The following RASA2 variants were observed in gnomAD, a reference collection of about 807,000 sequenced individuals.
RASA2 encodes RAS p21 protein activator 2, also known as ras GTPase-activating protein 2.
A neutral mutation model predicts 118.2 loss-of-function variants in RASA2; 155 were observed. That is an observed-to-expected ratio of 1.31 (90% CI 1.15 to 1.50). RASA2 has a LOEUF of 1.50. Ranked by LOEUF, RASA2 falls within the 40% of genes most tolerant of loss-of-function variation. RASA2 has a pLI of 0.00. For missense variants in RASA2, 1,016 were observed against 1,009.6 expected (o/e 1.01, Z -0.09); for synonymous variants, 353 against 349.1 (o/e 1.01, Z -0.12).
At chr3:141,585,166 A>C (rs1236058856) in intron 17 of RASA2, among the ~76,000 whole-genome samples, 1 of 152,220 alleles carries the variant, frequency 6.6e-6, no homozygotes, top group Non-Finnish European at 1.5e-5. Context: ...ATTGGGACCA[A>C]AAGTATTTCA....
intron 19 of RASA2, among the ~76,000 whole-genome samples, chr3:141,604,510 G>A (rs1267675519): frequency 6.6e-6 from 1 of 152,118 alleles, no homozygotes; most frequent in Admixed American, 6.6e-5. Context: ...TCTCCCTAAA[G>A]AAGTCATCTG....
At chr3:141,574,254 A>G (rs558003491) in intron 14 of RASA2, among the ~76,000 whole-genome samples, 187 bp downstream of exon 14, 33 of 151,956 alleles carry the variant, frequency 2.2e-4, no homozygotes, top group Admixed American at 5.2e-4. Context: ...CAGTGGCGCT[A>G]TCTTGGCTCA....
rs1300139734 is a variant in RASA2 at position 141,560,112 on chromosome 3, G to A, written c.863+117G>A. ...AAATTTGCCATGTAATAAGCTAAAC[G>A]TCATTAATATTGATATGTTCATTAA... is the stretch of plus-strand genomic sequence containing the variant. On this transcript the variant is annotated intron_variant, in intron 9 of 23. Transcript: ENST00000286364. 75 of 721,526 alleles carry A rather than the reference G, an allele frequency of 1.0e-4. 1 individual carries two copies. The South Asian group carries it at 1.2e-3, about 12-fold the overall frequency. 44.7% of individuals were successfully genotyped at this position (721,526 alleles called of 1,614,324 possible).
At chr3:141,591,545 C>T (rs757116252) in intron 19 of RASA2, among the ~76,000 whole-genome samples, 24 of 152,188 alleles carry the variant, frequency 1.6e-4, no homozygotes, top group Non-Finnish European at 3.1e-4. Flanking sequence ...CTTCAAAGAA[C>T]ACCATGTCTT....
intron 19 of RASA2, among the ~76,000 whole-genome samples, chr3:141,591,206 G>T (rs1029963727): frequency 4.6e-5 from 7 of 152,142 alleles, no homozygotes; most frequent in African/African-American, 1.4e-4. Context: ...ACTACTTTTT[G>T]CAGTGCCTTC....
chr3:141,541,674 G>A (rs899909403), intron 5 of RASA2, among the ~76,000 whole-genome samples: 2 of 151,750 alleles, frequency 1.3e-5, no homozygotes, highest in African/African-American at 2.4e-5. Context: ...CTATTAAGGC[G>A]TTTTTTTCCT....
In RASA2 at chr3:141,571,068, A is replaced by C; in HGVS notation, c.1020A>C (p.Gln340His). 6.3e-7 allele frequency: 1 copy of C among 1,595,886 alleles called. No individual in the cohort carries two copies. Among genetic ancestry groups the C allele is most frequent in the South Asian group, 1.2e-5 (1 of 86,828 alleles). ...KTLLLKSPDV[Q>H]PISASAAYIL... is the part of the protein sequence containing the mutation. ...TGCTGCTAAAATCACCAGATGTTCA[A>C]GTATGTTAAGAATCTTAAGGATATG... The change falls in exon 10 of 24, where the codon CAA becomes CAC. Residue 340 changes from glutamine to histidine, a missense_variant and splice_region_variant. By Grantham distance (24) the Gln-to-His change is conservative. This residue lies in a region of RASA2 where 896 missense variants were observed against 836.4 expected (regional missense o/e 1.07). Coordinates refer to ENST00000286364, the MANE Select transcript of RASA2 (RefSeq NM_006506.5).
chr3:141,489,376 G>GGGACT (rs968715521), intron 1 of RASA2, among the ~76,000 whole-genome samples: 2 of 152,188 alleles, frequency 1.3e-5, no homozygotes, highest in African/African-American at 4.8e-5. Flanking sequence ...CTAACATGTG[G>GGGACT]GTTTTGTAGG....
At chr3:141,585,360 A>G (rs758740637) in intron 17 of RASA2, among the ~76,000 whole-genome samples, 26 of 152,236 alleles carry the variant, frequency 1.7e-4, no homozygotes, top group Non-Finnish European at 3.2e-4. Flanking sequence ...AGGTTAAGTT[A>G]TACCCCTAAA....
intron 14 of RASA2, among the ~76,000 whole-genome samples, chr3:141,576,360 G>A (rs1242972508): frequency 6.6e-6 from 1 of 152,130 alleles, no homozygotes; most frequent in Non-Finnish European, 1.5e-5. Context: ...GTTAAAACTC[G>A]AACCAAACCT....
chr3:141,512,314 A>G (rs751621851), intron 2 of RASA2, 34 bp downstream of exon 2: 3 of 1,368,104 alleles, frequency 2.2e-6, no homozygotes, highest in Non-Finnish European at 3.1e-6. Context: ...TATAATTTTT[A>G]CTATATAGAT....
chr3:141,583,571 G>A (rs2083150815), intron 17 of RASA2, among the ~76,000 whole-genome samples: 2 of 152,114 alleles, frequency 1.3e-5, no homozygotes, highest in Non-Finnish European at 2.9e-5. Flanking sequence ...GTGATAGGGC[G>A]CTTCTTCAGT....
chr3:141,573,839 A>C (rs1039440369), intron 13 of RASA2, 105 bp from the exon 14 acceptor site: 9 of 969,336 alleles, frequency 9.3e-6, no homozygotes, highest in Non-Finnish European at 1.1e-5. Flanking sequence ...AATGTTAGAT[A>C]GTGACTGTCT....
chr3:141,496,966 C>T (rs1182868253), intron 1 of RASA2, among the ~76,000 whole-genome samples: 1 of 152,036 alleles, frequency 6.6e-6, no homozygotes, highest in African/African-American at 2.4e-5. Flanking sequence ...ACATATACAC[C>T]ATGGAATACT....
At chr3:141,531,230 A>C (rs975342645) in intron 4 of RASA2, among the ~76,000 whole-genome samples, 1 of 151,974 alleles carries the variant, frequency 6.6e-6, no homozygotes, top group African/African-American at 2.4e-5. Context: ...TTAAACTGAA[A>C]TTTTATGAAC....
intron 1 of RASA2, among the ~76,000 whole-genome samples, chr3:141,501,832 T>C (rs530856135): frequency 6.6e-6 from 1 of 152,360 alleles, no homozygotes; most frequent in Admixed American, 6.5e-5. Flanking sequence ...TATTTTTAAA[T>C]GTGCATTAGA....
At position 141,580,547 on chromosome 3, in the gene RASA2, A is replaced by G. The variant is rs1459174298; in HGVS notation, c.1674+96A>G. On this transcript the variant is annotated intron_variant, in intron 16 of 23. Coordinates refer to ENST00000286364, the MANE Select transcript of RASA2 (RefSeq NM_006506.5). ...TGACTTACCTTCTTCCAAATTAAAA[A>G]CAAAACATACACACACACACACACA... 7.6e-6 allele frequency: 6 copies of G among 789,100 alleles called. No individual in the cohort carries two copies. In the East Asian group the frequency reaches 1.1e-4, roughly 14 times the overall value. 48.9% of individuals were successfully genotyped at this position (789,100 alleles called of 1,614,324 possible).
At chr3:141,519,479 T>C (rs1266232401) in intron 3 of RASA2, among the ~76,000 whole-genome samples, 3 of 152,214 alleles carry the variant, frequency 2.0e-5, no homozygotes, top group Non-Finnish European at 4.4e-5. Flanking sequence ...AGCCTTCTTA[T>C]TTTTAGATAT....
chr3:141,522,994 G>A (rs893191861), intron 3 of RASA2, among the ~76,000 whole-genome samples: 2 of 152,146 alleles, frequency 1.3e-5, no homozygotes, highest in Non-Finnish European at 2.9e-5. Context: ...CGGAACACTG[G>A]CACTTACTCT....
Sources: allele counts gnomAD v4.1 joint callset (sites outside exome capture counted in the v4.1 genomes callset), GRCh38; gene constraint gnomAD v4.1.1; regional missense constraint gnomAD v4.1.1; transcripts MANE v1.5; gene names NCBI Gene and HGNC (gene_info 2026-07-23, HGNC 2026-07-21).